MTMR8: variants seen among roughly 807,000 people sequenced by gnomAD.
MTMR8 encodes myotubularin related protein 8, also known as phosphatidylinositol-3,5-bisphosphate 3-phosphatase MTMR8.
A neutral mutation model predicts 39.3 loss-of-function variants in MTMR8; 65 were observed. The observed-to-expected ratio is 1.65, with a 90% CI of 1.35 to 2.03. MTMR8 has a LOEUF of 2.03. MTMR8 is among the 30% of genes most tolerant of loss of function. The pLI, the probability that MTMR8 is intolerant of heterozygous loss-of-function variation, is 0.00. For synonymous variants in MTMR8, 245 were observed against 185.2 expected (o/e 1.32, Z -2.62); for missense variants, 777 against 538.9 (o/e 1.44, Z -4.37).
intron 12 of MTMR8, among the ~76,000 whole-genome samples, chrX:64,321,130 C>A (rs1237222662): frequency 9.0e-6 from 1 of 110,956 alleles, no homozygotes; most frequent in Non-Finnish European, 1.9e-5. Flanking sequence ...TTGAAACTAC[C>A]CAGTTTTCAA....
chrX:64,287,903 T>A (rs1374597053), intron 12 of MTMR8, among the ~76,000 whole-genome samples: 2 of 102,987 alleles, frequency 1.9e-5, no homozygotes, highest in African/African-American at 3.5e-5. Context: ...GACATAGGCA[T>A]GGGCAAGGAC....
At chrX:64,366,385 A>T (rs1336135466) in intron 1 of MTMR8, among the ~76,000 whole-genome samples, 2 of 112,060 alleles carry the variant, frequency 1.8e-5, no homozygotes, top group Non-Finnish European at 3.8e-5. Flanking sequence ...ATATAAAAGA[A>T]CAGAAATCAC....
At chrX:64,296,506 T>C (rs778128643) in intron 12 of MTMR8, among the ~76,000 whole-genome samples, 2 of 109,495 alleles carry the variant, frequency 1.8e-5, no homozygotes, top group African/African-American at 6.6e-5. Flanking sequence ...AAAAATACCA[T>C]GGGGCCAGAG....
chrX:64,387,079 T>C (rs1924579279), intron 1 of MTMR8, among the ~76,000 whole-genome samples: 1 of 110,912 alleles, frequency 9.0e-6, no homozygotes, highest in Non-Finnish European at 1.9e-5. Flanking sequence ...GAAACTAGGC[T>C]TGCCCCTGCT....
intron 11 of MTMR8, among the ~76,000 whole-genome samples, chrX:64,329,699 T>A (rs910368578): frequency 1.3e-4 from 14 of 111,259 alleles, no homozygotes; most frequent in African/African-American, 4.6e-4. Flanking sequence ...AAGAGTGATA[T>A]AAGTGGTAAG....
chrX:64,376,130 A>G (rs1924261343), intron 1 of MTMR8, among the ~76,000 whole-genome samples: 1 of 112,256 alleles, frequency 8.9e-6, no homozygotes, highest in South Asian at 3.7e-4. Flanking sequence ...TCTTTTCTTC[A>G]TAAATTACCC....
chrX:64,289,253 G>A (rs1327043945), intron 12 of MTMR8, among the ~76,000 whole-genome samples: 2 of 110,172 alleles, frequency 1.8e-5, no homozygotes, highest in African/African-American at 6.6e-5. Flanking sequence ...CCAATAAAAG[G>A]AACAAAGAAC....
chrX:64,373,516 C>G (rs150437359), intron 1 of MTMR8, among the ~76,000 whole-genome samples: 1,594 of 111,884 alleles, frequency 0.014, 37 homozygotes, highest in African/African-American at 0.048. Flanking sequence ...ACTACTCATA[C>G]AGCTTGCAGA....
intron 12 of MTMR8, among the ~76,000 whole-genome samples, chrX:64,272,100 T>A (rs1046707147): frequency 8.9e-6 from 1 of 111,832 alleles, no homozygotes; most frequent in Non-Finnish European, 1.9e-5. Flanking sequence ...GGCTGGTGAA[T>A]GTCTTCTCCT....
intron 12 of MTMR8, among the ~76,000 whole-genome samples, chrX:64,283,125 C>T (rs759553176): frequency 9.8e-5 from 11 of 112,140 alleles, no homozygotes; most frequent in Admixed American, 9.4e-4. Flanking sequence ...CACTCCCACC[C>T]TAATACTGCG....
In MTMR8 at chrX:64,343,712, A is replaced by G. The variant is rs767164902; in HGVS notation, c.874T>C (p.Leu292=). Residue 292 remains leucine, a synonymous_variant, in exon 8 of 14, where the codon TTG becomes CTG. Transcript: ENST00000374852. The stretch of plus-strand genomic sequence containing the variant: ...AATTCACTCATTGTTGGAGTTTTCA[A>G]TTCACAAACTAAGGTAGAAAAGGAA... ...SLQKLLEVCE[L]KTPTMSEFLS... The G allele has an allele frequency of 1.7e-6, 2 of 1,181,885 alleles. No homozygotes were observed. Among genetic ancestry groups the G allele is most frequent in the South Asian group, 1.8e-5 (1 of 55,298 alleles).
At chrX:64,305,980 G>C (rs1162162294) in intron 12 of MTMR8, 1 of 193,464 alleles carries the variant, frequency 5.2e-6, no homozygotes. Flanking sequence ...GCTGGGTGTG[G>C]TGGCACGCAC....
intron 1 of MTMR8, among the ~76,000 whole-genome samples, chrX:64,391,502 C>A (rs1449874777): frequency 1.8e-5 from 2 of 112,018 alleles, no homozygotes; most frequent in Non-Finnish European, 3.8e-5. Context: ...ATTTTTCAGT[C>A]TCTTTCATTT....
In MTMR8 at chrX:64,354,861, T is replaced by A. The variant is rs1923582826; in HGVS notation, c.384A>T (p.Lys128Asn). Residue 128 changes from lysine to asparagine, a missense_variant, in exon 4 of 14, where the codon AAA becomes AAT. Physicochemically the swap from Lys to Asn is moderately conservative, Grantham distance 94 (BLOSUM62 0). Coordinates refer to ENST00000374852, the MANE Select transcript of MTMR8 (RefSeq NM_017677.4). ...CAAAGTCTGATATTGGGTCAATCAG[T>A]TTCCATCCACTTTCCCTCATCTCTT... ...SSKEMRESGW[K>N]LIDPISDFGR... 8.3e-7 allele frequency: 1 copy of A among 1,205,031 alleles called. No individual in the cohort carries two copies. Among genetic ancestry groups the A allele is most frequent in the South Asian group, 1.8e-5 (1 of 56,292 alleles).
intron 1 of MTMR8, among the ~76,000 whole-genome samples, chrX:64,387,032 C>A (rs140037346): frequency 9.0e-6 from 1 of 111,261 alleles, no homozygotes; most frequent in Non-Finnish European, 1.9e-5. Context: ...CCAGCCCAGG[C>A]GACAGAGCAA....
Position 64,385,242 on chromosome X carries a change from C to T in MTMR8, c.24+10098G>A, listed in dbSNP as rs1924528151. Reference sequence around the variant, plus strand: ...TAGTTCCCAGTAAGTTCTTTGTTTCCACCTGAGACCTCATCAGCCTGGACT... The same window carrying T: ...TAGTTCCCAGTAAGTTCTTTGTTTCTACCTGAGACCTCATCAGCCTGGACT... On this transcript the variant is annotated intron_variant, in intron 1 of 13. Coordinates refer to ENST00000374852, the MANE Select transcript of MTMR8 (RefSeq NM_017677.4). Among the ~76,000 whole-genome samples the T allele has an allele frequency of 3.6e-5, 4 of 111,968 alleles. No homozygotes were observed. The Admixed American group carries it at 3.8e-4, about 11-fold the overall frequency.
At chrX:64,334,589 A>C (rs1321996537) in intron 10 of MTMR8, among the ~76,000 whole-genome samples, 1 of 105,635 alleles carries the variant, frequency 9.5e-6, no homozygotes, top group African/African-American at 3.5e-5. Context: ...AAAAAAAAAA[A>C]AAAAAACAGG....
chrX:64,387,567 C>T (rs928430506), intron 1 of MTMR8, among the ~76,000 whole-genome samples: 12 of 110,108 alleles, frequency 1.1e-4, no homozygotes, highest in Non-Finnish European at 2.1e-4. Context: ...CCTCTTTCTA[C>T]TCAAAGGCAC....
At chrX:64,381,815 T>C (rs1924434313) in intron 1 of MTMR8, among the ~76,000 whole-genome samples, 1 of 111,826 alleles carries the variant, frequency 8.9e-6, no homozygotes, top group Non-Finnish European at 1.9e-5. Context: ...TTCAGCTTTC[T>C]ACATATGGCT....
Sources: gnomAD v4.1 joint callset for allele counts (sites outside exome capture counted in the v4.1 genomes callset) on GRCh38, gnomAD v4.1.1 for gene constraint, MANE v1.5 for transcripts, NCBI Gene and HGNC (gene_info 2026-07-23, HGNC 2026-07-21) for gene names.